Variants in BRSK2 observed in about 807,000 individuals in gnomAD.
The protein encoded by BRSK2 is BR serine/threonine kinase 2.
BRSK2 carries 19 observed loss-of-function variants against 83.3 expected under a neutral mutation model. That is an observed-to-expected ratio of 0.23 (90% CI 0.16 to 0.33). The LOEUF (loss-of-function observed/expected upper bound fraction) is 0.33, where lower values mean the gene tolerates loss of function less well. Among genes scored for constraint, BRSK2 ranks in the 10% least tolerant of loss-of-function variants. BRSK2 has a pLI of 1.00. For synonymous variants in BRSK2, 519 were observed against 435.4 expected (o/e 1.19, Z -2.39); for missense variants, 798 against 1,042.3 (o/e 0.77, Z 3.23).
At chr11:1,459,908 C>T (rs897863581) in intron 19 of BRSK2, among the ~76,000 whole-genome samples, 4 of 152,214 alleles carry the variant, frequency 2.6e-5, no homozygotes, top group African/African-American at 9.7e-5. Context: ...GGTCGGGCTT[C>T]AGGCCTCTCT....
At chr11:1,426,728 A>G (rs1163925985) in intron 1 of BRSK2, among the ~76,000 whole-genome samples, 1 of 152,078 alleles carries the variant, frequency 6.6e-6, no homozygotes, top group Non-Finnish European at 1.5e-5. Context: ...GGGGCAACAG[A>G]TGGGCCAGCA....
intron 1 of BRSK2, among the ~76,000 whole-genome samples, chr11:1,406,111 G>A (rs576010569): frequency 2.0e-4 from 30 of 152,132 alleles, no homozygotes; most frequent in African/African-American, 7.0e-4. Flanking sequence ...GGCTCCTCCT[G>A]CCCAGCCTTC....
Position 1,438,120 on chromosome 11 carries a change from G to A in BRSK2, c.187-186G>A, listed in dbSNP as rs542577752. Among the ~76,000 whole-genome samples the A allele has an allele frequency of 1.6e-5, 2 of 124,858 alleles. No homozygotes were observed. Among genetic ancestry groups the A allele is most frequent in the African/African-American group, 6.1e-5 (2 of 32,554 alleles). The allele number at this position is 124,858 out of a possible 152,430, so 81.9% of individuals were successfully genotyped here. ...CACAGCTGGCACCAAAGGCCCCTGC[G>A]TCCCCCACAGCTGGCACCAAAGGCC... On this transcript the variant is annotated intron_variant, in intron 2 of 19. Coordinates refer to ENST00000528841, the MANE Select transcript of BRSK2 (RefSeq NM_001256627.2). This position sits in a 1 kb window ranked among gnomAD's most constrained non-coding sequence, Gnocchi z 6.4.
Position 1,438,061 on chromosome 11 carries a change from C to T in BRSK2, c.187-245C>T. ...AGCTGGCACCAAAGGCCCCTGCGTC[C>T]CCCACAGCTGGCACCAAAGGCCCCT... On this transcript the variant is annotated intron_variant, in intron 2 of 19. Coordinates refer to ENST00000528841, the MANE Select transcript of BRSK2 (RefSeq NM_001256627.2). This position sits in a 1 kb window ranked among gnomAD's most constrained non-coding sequence, Gnocchi z 6.4. Among the ~76,000 whole-genome samples the T allele has an allele frequency of 6.7e-6, 1 of 149,638 alleles. No individual in the cohort carries two copies. The highest frequency in any genetic ancestry group is 1.5e-5 in the Non-Finnish European group (1 of 67,180).
At chr11:1,411,659 C>T in intron 1 of BRSK2, 2 of 1,533,766 alleles carry the variant, frequency 1.3e-6, no homozygotes, top group Non-Finnish European at 1.7e-6. Context: ...CCTGGCTGGC[C>T]AGGGCCCCTC....
At chr11:1,392,341 TCTC>T (rs372366699) in intron 1 of BRSK2, among the ~76,000 whole-genome samples, 34 of 152,324 alleles carry the variant, frequency 2.2e-4, no homozygotes, top group Admixed American at 5.9e-4. Context: ...TGAGAACGCT[TCTC>T]CTTCCAGGGA....
intron 12 of BRSK2, among the ~76,000 whole-genome samples, chr11:1,449,339 G>A (rs1845516614): frequency 6.6e-6 from 1 of 152,242 alleles, no homozygotes; most frequent in South Asian, 2.1e-4. Flanking sequence ...TAGGGACATG[G>A]AGGACCAGGC....
At position 1,438,496 on chromosome 11, in the gene BRSK2, C is replaced by A; in HGVS notation, c.272+105C>A. The A allele has an allele frequency of 9.7e-7, 1 of 1,025,946 alleles. No homozygotes were observed. The allele number at this position is 1,025,946 out of a possible 1,614,324, so 63.6% of individuals were successfully genotyped here. A position where few individuals can be genotyped will look rare whatever the true frequency, so the allele number is the denominator to read the frequency against. On this transcript the variant is annotated intron_variant, in intron 3 of 19. Transcript: ENST00000528841. The surrounding 1 kb of genome is among the most constrained non-coding windows in gnomAD (Gnocchi z 6.4). ...GAGCACAGGGGCTGGAGGCCAGGGG[C>A]GCCTGCTGCATCCCAGCAGCCCTGG...
Position 1,460,683 on chromosome 11 carries a change from C to T in BRSK2, c.2171C>T (p.Ala724Val). 1.3e-6 allele frequency: 2 copies of T among 1,518,850 alleles called. No homozygotes were observed. Among genetic ancestry groups the T allele is most frequent in the Non-Finnish European group, 1.8e-6 (2 of 1,137,818 alleles). 94.1% of individuals were successfully genotyped at this position (1,518,850 alleles called of 1,614,324 possible). Residue 724 changes from alanine to valine, a missense_variant, in exon 20 of 20, where the codon GCC becomes GTC. Ala to Val is a moderately conservative substitution (Grantham distance 64, BLOSUM62 0). This residue lies in a region of BRSK2 where 455 missense variants were observed against 455.2 expected (regional missense o/e 1.00). Coordinates refer to ENST00000528841, the MANE Select transcript of BRSK2 (RefSeq NM_001256627.2). ...DAEYPTGKDT[A>V]KMGPPTARRE... ...GAGTACCCAACGGGCAAGGACACGG[C>T]CAAGATGGGCCCGCCCACCGCCCGC...
Position 1,454,745 on chromosome 11 carries a change from C to A in BRSK2, c.1668+137C>A. The A allele has an allele frequency of 8.5e-7, 1 of 1,179,146 alleles. No homozygotes were observed. Among genetic ancestry groups the A allele is most frequent in the Non-Finnish European group, 1.2e-6 (1 of 851,782 alleles). 73.0% of individuals were successfully genotyped at this position (1,179,146 alleles called of 1,614,324 possible). Reference sequence around the variant, plus strand: ...GACGTCCGCTCACCCGTGGGCCTGCCTGGCCGCCTTCACTGGACAGGCGCT... The same window carrying A: ...GACGTCCGCTCACCCGTGGGCCTGCATGGCCGCCTTCACTGGACAGGCGCT... On this transcript the variant is annotated intron_variant, in intron 16 of 19. Coordinates refer to ENST00000528841, the MANE Select transcript of BRSK2 (RefSeq NM_001256627.2). This position sits in a 1 kb window ranked among gnomAD's most constrained non-coding sequence, Gnocchi z 5.2.
intron 12 of BRSK2, 134 bp downstream of exon 12, chr11:1,446,041 GGCTTA>G: frequency 1.1e-6 from 1 of 934,534 alleles, no homozygotes; most frequent in Non-Finnish European, 1.5e-6. Context: ...GGCTAAACTG[GGCTTA>G]GCTGGGCTGG....
intron 8 of BRSK2, among the ~76,000 whole-genome samples, chr11:1,444,237 C>T (rs1851724712): frequency 6.6e-6 from 1 of 152,126 alleles, no homozygotes; most frequent in Non-Finnish European, 1.5e-5. Context: ...GTGCCCCCAG[C>T]AGCTGTGGGG....
At chr11:1,395,376 G>A (rs1044667144) in intron 1 of BRSK2, among the ~76,000 whole-genome samples, 6 of 152,170 alleles carry the variant, frequency 3.9e-5, no homozygotes, top group African/African-American at 1.4e-4. Context: ...GTCGCTGGGC[G>A]CCATGTCAGT....
chr11:1,448,921 C>T (rs1239568073), intron 12 of BRSK2, among the ~76,000 whole-genome samples: 1 of 152,358 alleles, frequency 6.6e-6, no homozygotes, highest in East Asian at 1.9e-4. Flanking sequence ...TCGTGGCCGG[C>T]TGGCGGTGGG....
intron 1 of BRSK2, among the ~76,000 whole-genome samples, chr11:1,401,589 C>T (rs1054144340): frequency 8.5e-5 from 13 of 152,276 alleles, no homozygotes; most frequent in Non-Finnish European, 1.5e-4. Flanking sequence ...CCATGCCAAC[C>T]GCCGGTGCAG....
chr11:1,450,002 C>G (rs1845611414), intron 13 of BRSK2, among the ~76,000 whole-genome samples, 166 bp downstream of exon 13: 2 of 152,180 alleles, frequency 1.3e-5, no homozygotes, highest in Non-Finnish European at 2.9e-5. Flanking sequence ...GCAGGCTGCT[C>G]TGCTAACTGC....
chr11:1,451,946 C>T (rs1456086756), intron 15 of BRSK2, among the ~76,000 whole-genome samples: 2 of 152,068 alleles, frequency 1.3e-5, no homozygotes, highest in African/African-American at 4.8e-5. Context: ...GGTGTCTGGA[C>T]AAAGATGTCC....
intron 12 of BRSK2, among the ~76,000 whole-genome samples, chr11:1,447,248 A>T (rs7924774): frequency 0.034 from 5,103 of 152,272 alleles, 214 homozygotes; most frequent in African/African-American, 0.1. Flanking sequence ...TGGGGGCACC[A>T]CAACCTGTAG....
In BRSK2 at chr11:1,421,057, C is replaced by G. The variant is rs144937013; in HGVS notation, c.92-14983C>G. 5.0e-3 allele frequency among the ~76,000 whole-genome samples: 761 copies of G among 152,312 alleles called. 2 individuals are homozygous for G. The highest frequency in any genetic ancestry group is 8.1e-3 in the Non-Finnish European group (549 of 68,010). ...TTTGGGATGCTCAGAGTGATACCCTCAGATCTTTAGGATTCAGATCTTTGG... is the reference window on the plus strand; with the variant it reads ...TTTGGGATGCTCAGAGTGATACCCTGAGATCTTTAGGATTCAGATCTTTGG... On this transcript the variant is annotated intron_variant, in intron 1 of 19. Transcript: ENST00000528841.
Sources: allele counts gnomAD v4.1 joint callset (sites outside exome capture counted in the v4.1 genomes callset), GRCh38; gene constraint gnomAD v4.1.1; regional missense constraint gnomAD v4.1.1; non-coding constraint Gnocchi (gnomAD v3.1); transcripts MANE v1.5; gene names NCBI Gene and HGNC (gene_info 2026-07-23, HGNC 2026-07-21).